Variants in ZNF831 observed in about 807,000 individuals in gnomAD.
ZNF831 encodes the protein chromosome 20 open reading frame 174.
ZNF831 carries 59 observed loss-of-function variants against 95.8 expected under a neutral mutation model. That is an observed-to-expected ratio of 0.62 (90% CI 0.50 to 0.77). The LOEUF is 0.77. Ranked by LOEUF, ZNF831 falls within the 30% of genes least tolerant of loss-of-function variation. The pLI, the probability that ZNF831 is intolerant of heterozygous loss-of-function variation, is 0.00. For missense variants in ZNF831, 2,205 were observed against 2,164.0 expected (o/e 1.02, Z -0.38); for synonymous variants, 961 against 925.5 (o/e 1.04, Z -0.70).
chr20:59,215,817 A>G (rs531153533), intron 4 of ZNF831, among the ~76,000 whole-genome samples: 1 of 152,394 alleles, frequency 6.6e-6, no homozygotes, highest in South Asian at 2.1e-4. Context: ...ATCGATACTG[A>G]AAATGAAAAG....
chr20:59,186,721 C>G (rs1461453349), intron 1 of ZNF831, among the ~76,000 whole-genome samples: 1 of 152,196 alleles, frequency 6.6e-6, no homozygotes, highest in Non-Finnish European at 1.5e-5. Context: ...TGGCAGCTAC[C>G]TGTTAATCTC....
In ZNF831 at chr20:59,256,301, C is replaced by A. The variant is rs1048248106; in HGVS notation, c.*1558C>A. The A allele has an allele frequency of 6.6e-6, 1 of 152,174 alleles. No homozygotes were observed. The highest frequency in any genetic ancestry group is 1.5e-5 in the Non-Finnish European group (1 of 68,036). The allele number at this position is 152,174 out of a possible 1,614,324, so 9.4% of individuals were successfully genotyped here. ...CTGGTTACTTAGCATATATTTGTGA[C>A]CATTTCATATGCACTCATAAATATC... On this transcript the variant is annotated 3_prime_UTR_variant, in exon 6 of 6. Transcript: ENST00000371030.
intron 1 of ZNF831, among the ~76,000 whole-genome samples, chr20:59,179,406 A>G (rs2146514258): frequency 6.6e-6 from 1 of 152,240 alleles, no homozygotes; most frequent in Non-Finnish European, 1.5e-5. Context: ...TTGTTTCCTG[A>G]GCCTGCAGTA....
Position 59,169,835 on chromosome 20 carries a change from G to T in ZNF831, c.-37+5628G>T, listed in dbSNP as rs957312425. The stretch of plus-strand genomic sequence containing the variant: ...GAATGTTTTGAACCCAGGAGGCAGA[G>T]GTTGCAGTGAGCCAAGATCATGCCA... On this transcript the variant is annotated intron_variant, in intron 1 of 5. Coordinates refer to ENST00000371030, the MANE Select transcript of ZNF831 (RefSeq NM_178457.3). This position sits in a 1 kb window ranked among gnomAD's most constrained non-coding sequence, Gnocchi z 4.1. 6.6e-6 allele frequency among the ~76,000 whole-genome samples: 1 copy of T among 152,080 alleles called. No homozygotes were observed. Among genetic ancestry groups the T allele is most frequent in the Non-Finnish European group, 1.5e-5 (1 of 68,018 alleles).
At chr20:59,150,255 T>C (rs1223472483) in intron 2 of ZNF831, among the ~76,000 whole-genome samples, 2 of 152,134 alleles carry the variant, frequency 1.3e-5, no homozygotes, top group African/African-American at 2.4e-5. Flanking sequence ...CTATCCTAGA[T>C]TGGGAAGCTG....
chr20:59,145,041 T>G (rs1446936755), intron 1 of ZNF831, among the ~76,000 whole-genome samples: 3 of 152,198 alleles, frequency 2.0e-5, no homozygotes, highest in Non-Finnish European at 4.4e-5. Flanking sequence ...GTACTGACAG[T>G]GACCCACAGT....
Position 59,208,810 on chromosome 20 carries a change from G to T in ZNF831, c.4027+1754G>T, listed in dbSNP as rs968957970. On this transcript the variant is annotated intron_variant, in intron 4 of 5. Transcript: ENST00000371030. This position sits in a 1 kb window ranked among gnomAD's most constrained non-coding sequence, Gnocchi z 4.2. ...CGCTGGCAGAGAGCTGGTAGCCCCC[G>T]CTACCTGGGAGGTTCTGATGGTCAC... Among the ~76,000 whole-genome samples, 6 of 152,108 alleles carry T rather than the reference G, an allele frequency of 3.9e-5. No individual in the cohort carries two copies. The highest frequency in any genetic ancestry group is 9.7e-5 in the African/African-American group (4 of 41,404).
At chr20:59,197,731 T>C (rs1984228198) in intron 3 of ZNF831, among the ~76,000 whole-genome samples, 2 of 152,198 alleles carry the variant, frequency 1.3e-5, no homozygotes, top group South Asian at 2.1e-4. Context: ...TAATGGGGCC[T>C]CTAAGCCTCA....
chr20:59,173,205 G>C (rs954454161), intron 1 of ZNF831, among the ~76,000 whole-genome samples: 1 of 152,142 alleles, frequency 6.6e-6, no homozygotes, highest in Admixed American at 6.5e-5. Flanking sequence ...TCCTCACCTC[G>C]AGTTTTAGGA....
chr20:59,236,628 T>C (rs1987016199), intron 4 of ZNF831, among the ~76,000 whole-genome samples: 2 of 150,412 alleles, frequency 1.3e-5, no homozygotes, highest in Non-Finnish European at 1.5e-5. Context: ...ACTCTTGGGC[T>C]CAAGTGATCC....
At chr20:59,123,811 G>C (rs1469766405) in intron 1 of ZNF831, among the ~76,000 whole-genome samples, 2 of 152,210 alleles carry the variant, frequency 1.3e-5, no homozygotes, top group East Asian at 1.9e-4. Flanking sequence ...GCTTTCTGAG[G>C]AGTGTCTCTA....
rs1478282483 is a variant in ZNF831, at chr20:59,254,340, C to G, written c.4631C>G (p.Pro1544Arg). ...GAGGGCAGAGCACAGACCCTCTTGC[C>G]AGGGAGACCTTCATCTGGACAAAGA... ...TEEGRAQTLL[P>R]GRPSSGQRIS... The change falls in exon 6 of 6, where the codon CCA becomes CGA. Residue 1544 changes from proline to arginine, a missense_variant. Coordinates refer to ENST00000371030, the MANE Select transcript of ZNF831 (RefSeq NM_178457.3). This position sits in a 1 kb window ranked among gnomAD's most constrained non-coding sequence, Gnocchi z 4.5. 6.2e-7 allele frequency: 1 copy of G among 1,614,072 alleles called. No individual in the cohort carries two copies.
rs940023791 is a variant in ZNF831, at chr20:59,191,717, G to A, written c.698G>A (p.Arg233Lys). Residue 233 changes from arginine (R) to lysine (K), a missense_variant, in exon 2 of 6, where the codon AGG becomes AAG. By Grantham distance (26) the Arg-to-Lys change is conservative. Transcript: ENST00000371030. Reference sequence around the variant, plus strand: ...AGACCAGAGGGCAGGGGCGAGAGCAGGTGCCAGGGGATGCACGAAGGCGCC... The same window carrying A: ...AGACCAGAGGGCAGGGGCGAGAGCAAGTGCCAGGGGATGCACGAAGGCGCC... ...PPRPEGRGES[R>K]CQGMHEGASE... The A allele has an allele frequency of 8.9e-6, 14 of 1,578,230 alleles. No individual in the cohort carries two copies. Among genetic ancestry groups the A allele is most frequent in the Non-Finnish European group, 1.2e-5 (14 of 1,161,272 alleles).
Position 59,258,123 on chromosome 20 carries a change from T to C in ZNF831, c.*3380T>C, listed in dbSNP as rs1049968591. On this transcript the variant is annotated 3_prime_UTR_variant, in exon 6 of 6. Transcript: ENST00000371030. ...TTGAGACAAAGCTAATAATCCCCTT[T>C]GGTTCACATCTCACAGTAACCAGGA... is the stretch of plus-strand genomic sequence containing the variant. 1 of 152,112 alleles carries C rather than the reference T, an allele frequency of 6.6e-6. No individual in the cohort carries two copies. Among genetic ancestry groups the C allele is most frequent in the African/African-American group, 2.4e-5 (1 of 41,406 alleles). The allele number at this position is 152,112 out of a possible 1,614,324, so 9.4% of individuals were successfully genotyped here.
intron 1 of ZNF831, 137 bp from the exon 2 acceptor site, chr20:59,190,847 C>A: frequency 1.4e-6 from 1 of 702,434 alleles, no homozygotes; most frequent in Non-Finnish European, 2.0e-6. Context: ...CTTCCTCTCG[C>A]TTGGGATGAG....
At chr20:59,218,003 G>A (rs1985810209) in intron 4 of ZNF831, among the ~76,000 whole-genome samples, 1 of 152,208 alleles carries the variant, frequency 6.6e-6, no homozygotes, top group Non-Finnish European at 1.5e-5. Flanking sequence ...CAAAAGAGAT[G>A]AGTTGATCTG....
At chr20:59,134,636 C>A (rs1026041490) in intron 1 of ZNF831, among the ~76,000 whole-genome samples, 6 of 152,212 alleles carry the variant, frequency 3.9e-5, no homozygotes, top group African/African-American at 1.4e-4. Flanking sequence ...TGTTTATTGT[C>A]GTCTTGGCTC....
At chr20:59,139,422 C>G (rs1979607417) in intron 1 of ZNF831, among the ~76,000 whole-genome samples, 1 of 152,000 alleles carries the variant, frequency 6.6e-6, no homozygotes, top group Non-Finnish European at 1.5e-5. Context: ...TCCACCCAGC[C>G]CCCCTAAAGT....
Position 59,193,495 on chromosome 20 carries a change from A to G in ZNF831, c.2476A>G (p.Lys826Glu), listed in dbSNP as rs2146584377. The G allele has an allele frequency of 6.2e-7, 1 of 1,610,916 alleles. No individual in the cohort carries two copies. Among genetic ancestry groups the G allele is most frequent in the Non-Finnish European group, 8.5e-7 (1 of 1,178,462 alleles). ...DKLPSERKKL[K>E]VEDLHSWKQP... ...GCTCCCCTCAGAGAGGAAGAAGCTG[A>G]AAGTGGAGGACCTGCACAGCTGGAA... The change falls in exon 2 of 6, where the codon AAA (lysine) becomes GAA (glutamate). Residue 826 changes from lysine to glutamate, a missense_variant. Coordinates refer to ENST00000371030, the MANE Select transcript of ZNF831 (RefSeq NM_178457.3).
Sources: allele counts gnomAD v4.1 joint callset (sites outside exome capture counted in the v4.1 genomes callset), GRCh38; gene constraint gnomAD v4.1.1; non-coding constraint Gnocchi (gnomAD v3.1); transcripts MANE v1.5; gene names NCBI Gene and HGNC (gene_info 2026-07-23, HGNC 2026-07-21).